Variants in WWTR1 observed in about 807,000 individuals in gnomAD.
WWTR1 encodes WW domain-containing transcription regulator protein 1.
Under a neutral mutation model 40.1 loss-of-function variants are expected in WWTR1, and 13 were observed. That is an observed-to-expected ratio of 0.32 (90% confidence interval 0.21 to 0.52). The LOEUF (loss-of-function observed/expected upper bound fraction) is 0.52, where lower values mean the gene tolerates loss of function less well. Among genes scored for constraint, WWTR1 ranks in the 20% least tolerant of loss-of-function variants. WWTR1 has a pLI of 0.97. For missense variants in WWTR1, 436 were observed against 523.1 expected (o/e 0.83, Z 1.63); for synonymous variants, 230 against 210.1 (o/e 1.09, Z -0.82).
chr3:149,554,429 T>G (rs1352531675), intron 3 of WWTR1, among the ~76,000 whole-genome samples: 1 of 152,224 alleles, frequency 6.6e-6, no homozygotes, highest in East Asian at 1.9e-4. Flanking sequence ...ATGATTTTCC[T>G]ACTTGCTATC....
At chr3:149,603,843 A>G (rs1739367018) in intron 2 of WWTR1, among the ~76,000 whole-genome samples, 1 of 147,096 alleles carries the variant, frequency 6.8e-6, no homozygotes, top group South Asian at 2.2e-4. Flanking sequence ...GGTGCTACAT[A>G]AGCGGCATAC....
At chr3:149,556,339 G>C (rs1374257196) in intron 3 of WWTR1, among the ~76,000 whole-genome samples, 2 of 152,212 alleles carry the variant, frequency 1.3e-5, no homozygotes, top group Non-Finnish European at 2.9e-5. Context: ...CCAGCACTTT[G>C]GGAGGCCGAG....
At chr3:149,677,967 C>T (rs1186391866) in intron 1 of WWTR1, among the ~76,000 whole-genome samples, 2 of 151,342 alleles carry the variant, frequency 1.3e-5, no homozygotes, top group Non-Finnish European at 2.9e-5. Context: ...GACGGGGTTT[C>T]ACCATGTTGG....
chr3:149,675,039 C>T (rs781410753), intron 1 of WWTR1, among the ~76,000 whole-genome samples: 6 of 152,212 alleles, frequency 3.9e-5, no homozygotes, highest in Non-Finnish European at 8.8e-5. Flanking sequence ...GTCCTTGAGA[C>T]GCTAGTCCGG....
At chr3:149,590,892 C>T (rs1168338307) in intron 2 of WWTR1, among the ~76,000 whole-genome samples, 2 of 152,174 alleles carry the variant, frequency 1.3e-5, no homozygotes, top group African/African-American at 4.8e-5. Context: ...AACAATATCT[C>T]CTGCAGGCTT....
intron 2 of WWTR1, among the ~76,000 whole-genome samples, chr3:149,622,149 G>A (rs1693074698): frequency 6.6e-6 from 1 of 152,112 alleles, no homozygotes; most frequent in Non-Finnish European, 1.5e-5. Flanking sequence ...AAATCAGCAA[G>A]AGGCTTGTTT....
intron 2 of WWTR1, among the ~76,000 whole-genome samples, chr3:149,581,200 A>G (rs1738141816): frequency 6.6e-6 from 1 of 152,218 alleles, no homozygotes; most frequent in African/African-American, 2.4e-5. Flanking sequence ...TGATTCTTCC[A>G]TTCTGCCCAA....
chr3:149,540,977 G>C, intron 4 of WWTR1: 1 of 450,524 alleles, frequency 2.2e-6, no homozygotes, highest in Non-Finnish European at 4.4e-6. Flanking sequence ...GTGTATTTTT[G>C]AAAGTATCAA....
In WWTR1 at chr3:149,573,954, A is replaced by ATG. The variant is rs1347097927; in HGVS notation, c.432-955_432-954insCA. Reference sequence around the variant, plus strand: ...GTGAAAGTTTGTGATATATATATATATATGATGAGTAGATTCATCCCGTTC... The same window carrying ATG: ...GTGAAAGTTTGTGATATATATATATATGTATGATGAGTAGATTCATCCCGTTC... On this transcript the variant is annotated intron_variant, in intron 2 of 6. Transcript: ENST00000360632. 4.6e-5 allele frequency among the ~76,000 whole-genome samples: 7 copies of ATG among 152,042 alleles called. No homozygotes were observed. The South Asian group carries it at 1.2e-3, about 27-fold the overall frequency.
At chr3:149,684,364 G>C (rs1450724782) in intron 1 of WWTR1, among the ~76,000 whole-genome samples, 1 of 151,998 alleles carries the variant, frequency 6.6e-6, no homozygotes, top group Non-Finnish European at 1.5e-5. Context: ...TACAGGGAAG[G>C]GAAATGTATG....
At chr3:149,628,324 A>T (rs571132598) in intron 2 of WWTR1, among the ~76,000 whole-genome samples, 1 of 152,116 alleles carries the variant, frequency 6.6e-6, no homozygotes, top group Non-Finnish European at 1.5e-5. Flanking sequence ...GGCCGAGATC[A>T]CGCCACTGCA....
At chr3:149,681,757 CCTGAATATGTGA>C (rs1025445736) in intron 1 of WWTR1, among the ~76,000 whole-genome samples, 25 of 152,202 alleles carry the variant, frequency 1.6e-4, no homozygotes, top group African/African-American at 6.0e-4. Context: ...AGAAGGAAAT[CCTGAATATGTGA>C]CAACATAGAT....
chr3:149,630,814 A>T (rs2108107161), intron 2 of WWTR1, among the ~76,000 whole-genome samples: 1 of 152,318 alleles, frequency 6.6e-6, no homozygotes, highest in South Asian at 2.1e-4. Flanking sequence ...GTCCATTCTT[A>T]CCTCACCCAT....
intron 1 of WWTR1, among the ~76,000 whole-genome samples, chr3:149,690,376 C>T (rs989126541): frequency 6.6e-6 from 1 of 151,968 alleles, no homozygotes; most frequent in Non-Finnish European, 1.5e-5. Flanking sequence ...ACACAAAACA[C>T]ACTTTACCTA....
intron 2 of WWTR1, among the ~76,000 whole-genome samples, chr3:149,573,253 A>C (rs925353810): frequency 2.6e-5 from 4 of 152,096 alleles, no homozygotes; most frequent in Non-Finnish European, 4.4e-5. Flanking sequence ...CAGCCCTTGC[A>C]TGCAGTGAGC....
intron 2 of WWTR1, among the ~76,000 whole-genome samples, chr3:149,574,795 TA>T (rs35224415): frequency 0.069 from 8,692 of 126,392 alleles, 564 homozygotes; most frequent in African/African-American, 0.19. Context: ...TAAATGTGAT[TA>T]AAAAAAAAAA....
At chr3:149,594,417 T>C (rs1738880091) in intron 2 of WWTR1, among the ~76,000 whole-genome samples, 2 of 152,336 alleles carry the variant, frequency 1.3e-5, no homozygotes, top group Middle Eastern at 3.4e-3. Context: ...TTAGGAATAT[T>C]TGAATATGTA....
chr3:149,534,843 G>A (rs1255107240), intron 4 of WWTR1, among the ~76,000 whole-genome samples: 1 of 152,220 alleles, frequency 6.6e-6, no homozygotes, highest in African/African-American at 2.4e-5. Context: ...CCTAGCAGCT[G>A]GAGGACGGGT....
chr3:149,624,820 C>A (rs953769864), intron 2 of WWTR1, among the ~76,000 whole-genome samples: 2 of 152,062 alleles, frequency 1.3e-5, no homozygotes, highest in African/African-American at 4.8e-5. Flanking sequence ...CTGCCTCAGC[C>A]TCCCAAGTAG....
Sources: gnomAD v4.1 joint callset for allele counts (sites outside exome capture counted in the v4.1 genomes callset) on GRCh38, gnomAD v4.1.1 for gene constraint, MANE v1.5 for transcripts, NCBI Gene and HGNC (gene_info 2026-07-23, HGNC 2026-07-21) for gene names.